LYST: variants seen among roughly 807,000 people sequenced by gnomAD.
LYST encodes the protein lysosomal-trafficking regulator.
In LYST, 192 loss-of-function variants were observed where a neutral mutation model predicts 413.6. The observed-to-expected ratio is 0.46, with a 90% confidence interval of 0.41 to 0.52. The LOEUF (loss-of-function observed/expected upper bound fraction) is 0.52. Among genes scored for constraint, LYST ranks in the 20% least tolerant of loss-of-function variants. LYST has a pLI of 0.00. For missense variants in LYST, 3,815 were observed against 4,499.9 expected (o/e 0.85, Z 4.35); for synonymous variants, 1,525 against 1,567.3 (o/e 0.97, Z 0.64).
chr1:235,689,016 A>C (rs1471198263), intron 47 of LYST, among the ~76,000 whole-genome samples: 1 of 139,180 alleles, frequency 7.2e-6, no homozygotes, highest in Non-Finnish European at 1.5e-5. Context: ...AATAATAATA[A>C]TAATAATAAT....
At chr1:235,663,148 T>C (rs1658168238) in intron 52 of LYST, 70 bp from the exon 53 acceptor site, 8 of 1,068,532 alleles carry the variant, frequency 7.5e-6, no homozygotes, top group Non-Finnish European at 1.2e-5. Context: ...TTGGTCATCA[T>C]ACTGAGGTTA....
chr1:235,849,779 A>G (rs1463818248), intron 1 of LYST, among the ~76,000 whole-genome samples: 1 of 131,512 alleles, frequency 7.6e-6, no homozygotes, highest in African/African-American at 4.0e-5. Context: ...TAGCTCCAAA[A>G]AAAAAAAAAA....
In LYST at chr1:235,777,167, CTAA is replaced by C; in HGVS notation, c.5353_5355del (p.Leu1785del). ...TGGAGATTCTTTAGATGATGAGGTT[CTAA>C]TAAGATGCTCTGAACTTCTTTTGAG... On this transcript the variant is annotated inframe_deletion, in exon 17 of 53. Coordinates refer to ENST00000389793, the MANE Select transcript of LYST (RefSeq NM_000081.4). 1 of 1,613,656 alleles carries C rather than the reference CTAA, an allele frequency of 6.2e-7. No individual in the cohort carries two copies. Among genetic ancestry groups the C allele is most frequent in the Non-Finnish European group, 8.5e-7 (1 of 1,179,774 alleles).
intron 1 of LYST, among the ~76,000 whole-genome samples, chr1:235,882,722 T>C (rs1290625163): frequency 6.6e-6 from 1 of 152,142 alleles, no homozygotes. Flanking sequence ...TAGGGAGGGC[T>C]AGCAGTGAGG....
At chr1:235,835,749 T>C (rs1676504593) in intron 1 of LYST, among the ~76,000 whole-genome samples, 1 of 152,200 alleles carries the variant, frequency 6.6e-6, no homozygotes, top group Admixed American at 6.5e-5. Context: ...AATGATGCCC[T>C]TAGCCCATTA....
At chr1:235,861,699 T>C (rs1387115124) in intron 1 of LYST, among the ~76,000 whole-genome samples, 3 of 152,186 alleles carry the variant, frequency 2.0e-5, no homozygotes, top group African/African-American at 7.2e-5. Flanking sequence ...GTTGCTGTGT[T>C]GCCCAGGCTG....
At chr1:235,777,396 A>C in intron 16 of LYST, 88 bp from the exon 17 acceptor site, 1 of 1,072,484 alleles carries the variant, frequency 9.3e-7, no homozygotes, top group Non-Finnish European at 1.4e-6. Context: ...AAGTGAAAAC[A>C]CACTCAACTG....
At chr1:235,737,916 A>AGGTGATGG in intron 31 of LYST, 1 of 1,163,406 alleles carries the variant, frequency 8.6e-7, no homozygotes, top group Non-Finnish European at 1.1e-6. Flanking sequence ...GCTGCCGACG[A>AGGTGATGG]GTCTGGATCT....
chr1:235,833,250 C>T (rs1234675891), intron 2 of LYST, among the ~76,000 whole-genome samples: 1 of 152,024 alleles, frequency 6.6e-6, no homozygotes, highest in African/African-American at 2.4e-5. Context: ...GAGATGATTG[C>T]ACGGTATTTT....
chr1:235,860,137 A>G (rs1679691951), intron 1 of LYST, among the ~76,000 whole-genome samples: 2 of 152,144 alleles, frequency 1.3e-5, no homozygotes, highest in South Asian at 2.1e-4. Context: ...AAAATATGCA[A>G]TTCTTCAGGT....
Position 235,806,784 on chromosome 1 carries a change from A to C in LYST, c.2364-12T>G. On this transcript the variant is annotated splice_polypyrimidine_tract_variant and intron_variant, in intron 5 of 52. Coordinates refer to ENST00000389793, the MANE Select transcript of LYST (RefSeq NM_000081.4). ...AATCTCTTATTACCCTGTGAAAGAA[A>C]AAAAGCATGTAAAAAGGTTTAAATA... The C allele has an allele frequency of 1.3e-6, 2 of 1,577,924 alleles. No homozygotes were observed. Among genetic ancestry groups the C allele is most frequent in the Non-Finnish European group, 1.7e-6 (2 of 1,148,138 alleles).
rs373694701 is a variant in LYST, at chr1:235,701,884, A to G, written c.10374+863T>C. ...CATGAACATTTGACATATGTGAGCT[A>G]TGAGCGCAAATAATTTATATCCAGT... On this transcript the variant is annotated intron_variant, in intron 45 of 52. Transcript: ENST00000389793. Among the ~76,000 whole-genome samples, 5 of 152,358 alleles carry G rather than the reference A, an allele frequency of 3.3e-5. No individual in the cohort carries two copies. The East Asian group carries it at 7.7e-4, about 23-fold the overall frequency.
rs767088366 is a variant in LYST at position 235,720,911 on chromosome 1, A to G, written c.9316-6T>C. The G allele has an allele frequency of 6.2e-7, 1 of 1,613,162 alleles. No individual in the cohort carries two copies. Among genetic ancestry groups the G allele is most frequent in the Non-Finnish European group, 8.5e-7 (1 of 1,179,350 alleles). On this transcript the variant is annotated splice_polypyrimidine_tract_variant and splice_region_variant and intron_variant, in intron 39 of 52. Coordinates refer to ENST00000389793, the MANE Select transcript of LYST (RefSeq NM_000081.4). ...TGGTATACATCATCACGAACCTAAA[A>G]GGGAAGGAGAAGAAAAAAACCCAGA...
intron 6 of LYST, 113 bp downstream of exon 6, chr1:235,805,630 T>C (rs997711475): frequency 2.8e-6 from 1 of 358,020 alleles, no homozygotes; most frequent in Non-Finnish European, 4.6e-6. Flanking sequence ...AACACAATAA[T>C]ATATATATTA....
chr1:235,821,807 C>T (rs1039272416), intron 3 of LYST, among the ~76,000 whole-genome samples: 8 of 152,220 alleles, frequency 5.3e-5, no homozygotes, highest in African/African-American at 1.9e-4. Flanking sequence ...CCGTAGTTTG[C>T]TCAGCCTGCT....
chr1:235,712,705 G>A (rs1000484616), intron 42 of LYST: 6 of 984,830 alleles, frequency 6.1e-6, no homozygotes, highest in Admixed American at 6.2e-5. Flanking sequence ...GGGGGGGTGC[G>A]TAGGTTACGG....
intron 2 of LYST, among the ~76,000 whole-genome samples, chr1:235,831,862 T>C (rs1206025056): frequency 6.6e-6 from 1 of 152,190 alleles, no homozygotes; most frequent in Non-Finnish European, 1.5e-5. Context: ...TTCATATTTA[T>C]CCAACTTTAA....
Position 235,715,388 on chromosome 1 carries a change from T to C in LYST, c.9628-31A>G, listed in dbSNP as rs74385993. 4.7e-5 allele frequency: 76 copies of C among 1,609,876 alleles called. No homozygotes were observed. The African/African-American group carries it at 8.3e-4, about 18-fold the overall frequency. ...AGAAACGGTGAATCCAGAGAATTCA[T>C]GATTGTGGGCTCCAGGCAACGCTAG... On this transcript the variant is annotated intron_variant, in intron 41 of 52. Transcript: ENST00000389793.
At chr1:235,723,602 G>A (rs970449844) in intron 39 of LYST, among the ~76,000 whole-genome samples, 1 of 152,128 alleles carries the variant, frequency 6.6e-6, no homozygotes, top group Non-Finnish European at 1.5e-5. Flanking sequence ...ATGACATTAC[G>A]GGTTTAGCAA....
Sources: allele counts gnomAD v4.1 joint callset (sites outside exome capture counted in the v4.1 genomes callset), GRCh38; gene constraint gnomAD v4.1.1; transcripts MANE v1.5; gene names NCBI Gene and HGNC (gene_info 2026-07-23, HGNC 2026-07-21).